The following TXNRD1 variants were observed in gnomAD, a reference collection of about 807,000 sequenced individuals.
The protein encoded by TXNRD1 is thioredoxin reductase 1, cytoplasmic.
In TXNRD1, 57 loss-of-function variants were observed where a neutral mutation model predicts 80.3. That is an observed-to-expected ratio of 0.71 (90% CI 0.57 to 0.89). The LOEUF is 0.89. Among genes scored for constraint, TXNRD1 ranks in the 40% least tolerant of loss-of-function variants. TXNRD1 has a pLI of 0.00. For missense variants in TXNRD1, 730 were observed against 803.0 expected, an observed-to-expected ratio of 0.91 and a Z score of 1.10; for synonymous variants, 291 against 285.2, an observed-to-expected ratio of 1.02 and a Z score of -0.20.
At chr12:104,238,074 A>G (rs2032777584) in intron 1 of TXNRD1, among the ~76,000 whole-genome samples, 1 of 152,178 alleles carries the variant, frequency 6.6e-6, no homozygotes, top group Non-Finnish European at 1.5e-5. Flanking sequence ...TCTAGTTCAC[A>G]TGACTTTAAG....
At chr12:104,329,308 G>T (rs1288328701) in intron 13 of TXNRD1, among the ~76,000 whole-genome samples, 2 of 150,628 alleles carry the variant, frequency 1.3e-5, no homozygotes, top group Middle Eastern at 3.4e-3. Context: ...TGTCTCAGTG[G>T]TTTCCTTAAA....
chr12:104,232,512 G>A lies in TXNRD1; in HGVS notation c.91+16619G>A, dbSNP rs543450144. ...TGGGAGGTGGAGATTGCAGTGAGCCGATGGAGCCACTGCACTCCAGCGTAG... is the reference window on the plus strand; with the variant it reads ...TGGGAGGTGGAGATTGCAGTGAGCCAATGGAGCCACTGCACTCCAGCGTAG... On this transcript the variant is annotated intron_variant, in intron 1 of 16. Transcript: ENST00000525566. 1.9e-3 allele frequency among the ~76,000 whole-genome samples: 289 copies of A among 152,042 alleles called. 1 individual carries two copies. Among genetic ancestry groups the A allele is most frequent in the African/African-American group, 6.4e-3 (265 of 41,474 alleles).
intron 1 of TXNRD1, among the ~76,000 whole-genome samples, chr12:104,236,200 G>A (rs1046761187): frequency 6.6e-5 from 10 of 152,066 alleles, no homozygotes; most frequent in African/African-American, 2.2e-4. Flanking sequence ...AAGTTGGTTC[G>A]GCCTAAACCA....
intron 4 of TXNRD1, chr12:104,303,607 T>TG (rs1256651144): frequency 6.2e-6 from 2 of 320,102 alleles, no homozygotes; most frequent in Non-Finnish European, 1.1e-5. Flanking sequence ...GGCCCATCAT[T>TG]GCGCGTGTTG....
intron 1 of TXNRD1, 80 bp downstream of exon 1, chr12:104,215,973 C>T: frequency 8.0e-7 from 1 of 1,248,224 alleles, no homozygotes; most frequent in South Asian, 1.4e-5. Context: ...GATAAAGTGC[C>T]CCGGAGCCCT....
At chr12:104,337,552 CTT>C (rs1311805749) in intron 15 of TXNRD1, among the ~76,000 whole-genome samples, 2 of 151,864 alleles carry the variant, frequency 1.3e-5, no homozygotes, top group African/African-American at 4.8e-5. Context: ...TTTTCTTTTG[CTT>C]TCAAAAATGT....
intron 7 of TXNRD1, among the ~76,000 whole-genome samples, chr12:104,317,096 T>C (rs2035356456): frequency 6.6e-6 from 1 of 152,220 alleles, no homozygotes. Context: ...TGGGGTCACA[T>C]TGTTTGCTCA....
intron 4 of TXNRD1, 97 bp from the exon 5 acceptor site, chr12:104,311,193 C>G: frequency 9.7e-6 from 13 of 1,343,334 alleles, no homozygotes; most frequent in Non-Finnish European, 1.1e-5. Flanking sequence ...TTTGAAAATT[C>G]CTTTTGTTTT....
At chr12:104,228,855 G>A (rs2032537638) in intron 1 of TXNRD1, among the ~76,000 whole-genome samples, 1 of 151,770 alleles carries the variant, frequency 6.6e-6, no homozygotes, top group Non-Finnish European at 1.5e-5. Context: ...GAGTAGCTGG[G>A]ACTACAGGCG....
intron 1 of TXNRD1, among the ~76,000 whole-genome samples, chr12:104,223,617 TG>T (rs1206942339): frequency 6.6e-6 from 1 of 152,220 alleles, no homozygotes; most frequent in Non-Finnish European, 1.5e-5. Flanking sequence ...TCTTTCTAGA[TG>T]TGCTGGACTG....
At chr12:104,293,494 A>G (rs1045347423) in intron 4 of TXNRD1, among the ~76,000 whole-genome samples, 3 of 152,176 alleles carry the variant, frequency 2.0e-5, no homozygotes, top group African/African-American at 7.2e-5. Flanking sequence ...GTCTGGCTCT[A>G]TTGCCCAGTG....
At position 104,275,496 on chromosome 12, in the gene TXNRD1, G is replaced by T. The variant is rs560680966; in HGVS notation, c.305-13435G>T. ...CCTCCCAGGTTCAAGCGATTCTCCT[G>T]CCTCAGCCTCCTGAGTAGCTGGGAT... On this transcript the variant is annotated intron_variant, in intron 3 of 16. Coordinates refer to ENST00000525566, the MANE Select transcript of TXNRD1 (RefSeq NM_001093771.3). Among the ~76,000 whole-genome samples the T allele has an allele frequency of 2.6e-5, 4 of 151,852 alleles. No homozygotes were observed. The South Asian group carries it at 8.3e-4, about 32-fold the overall frequency.
At chr12:104,232,906 T>C (rs2032656839) in intron 1 of TXNRD1, among the ~76,000 whole-genome samples, 1 of 152,214 alleles carries the variant, frequency 6.6e-6, no homozygotes, top group Non-Finnish European at 1.5e-5. Flanking sequence ...TACTGCAGTG[T>C]CCTATCTCCA....
chr12:104,298,441 T>C (rs2034504155), intron 4 of TXNRD1, among the ~76,000 whole-genome samples: 1 of 152,144 alleles, frequency 6.6e-6, no homozygotes, highest in African/African-American at 2.4e-5. Context: ...AATATTTTTC[T>C]GGGGCCGGGC....
intron 3 of TXNRD1, among the ~76,000 whole-genome samples, chr12:104,260,364 G>C (rs1417191594): frequency 6.6e-6 from 1 of 152,198 alleles, no homozygotes; most frequent in Non-Finnish European, 1.5e-5. Flanking sequence ...CTATTCGGGA[G>C]GTTGAGGCAG....
At chr12:104,337,833 A>G (rs939409048) in intron 15 of TXNRD1, among the ~76,000 whole-genome samples, 3 of 151,590 alleles carry the variant, frequency 2.0e-5, no homozygotes, top group African/African-American at 7.3e-5. Context: ...ATCACCCAGG[A>G]TAGAGTGCAG....
intron 1 of TXNRD1, among the ~76,000 whole-genome samples, chr12:104,236,365 C>T (rs1466296820): frequency 2.0e-5 from 3 of 152,270 alleles, no homozygotes; most frequent in Middle Eastern, 3.4e-3. Context: ...AAGTCATAAC[C>T]TAATTAAGGC....
intron 4 of TXNRD1, among the ~76,000 whole-genome samples, chr12:104,306,159 C>T (rs1034645218): frequency 3.3e-5 from 5 of 152,270 alleles, no homozygotes; most frequent in East Asian, 3.9e-4. Context: ...CCGCCTCGGC[C>T]TCCGGAAATG....
intron 3 of TXNRD1, among the ~76,000 whole-genome samples, chr12:104,274,229 G>C (rs1391288242): frequency 1.3e-5 from 2 of 152,122 alleles, no homozygotes; most frequent in Non-Finnish European, 2.9e-5. Context: ...TAGAGCATTA[G>C]AAAGATCCAA....
Sources: allele counts gnomAD v4.1 joint callset (sites outside exome capture counted in the v4.1 genomes callset), GRCh38; gene constraint gnomAD v4.1.1; transcripts MANE v1.5; gene names NCBI Gene and HGNC (gene_info 2026-07-23, HGNC 2026-07-21).